RBM39: variants seen among roughly 807,000 people sequenced by gnomAD.
The protein encoded by RBM39 is RNA binding motif protein 39.
A neutral mutation model predicts 79.6 loss-of-function variants in RBM39; 12 were observed. That is an observed-to-expected ratio of 0.15 (90% CI 0.10 to 0.24). RBM39 has a LOEUF of 0.24. RBM39 is among the 10% of genes least tolerant of loss of function. The probability of loss-of-function intolerance (pLI) is 1.00; values close to 1 mark genes in which losing one functional copy is unlikely to be tolerated. For synonymous variants in RBM39, 185 were observed against 208.4 expected, an observed-to-expected ratio of 0.89 and a Z score of 0.97; for missense variants, 243 against 653.4, an observed-to-expected ratio of 0.37 and a Z score of 6.85.
chr20:35,705,071 G>T (rs962431407), intron 15 of RBM39, 154 bp downstream of exon 15: 1 of 623,770 alleles, frequency 1.6e-6, no homozygotes, highest in East Asian at 2.9e-5. Context: ...TATTTTGGAG[G>T]GTTTATTTAG....
At chr20:35,738,191 C>T (rs1037630565) in intron 3 of RBM39, among the ~76,000 whole-genome samples, 1 of 151,958 alleles carries the variant, frequency 6.6e-6, no homozygotes, top group East Asian at 1.9e-4. Flanking sequence ...TCACTTGAAC[C>T]CAGGAGGCGG....
chr20:35,722,347 C>T (rs776427065), intron 8 of RBM39, among the ~76,000 whole-genome samples: 1 of 149,096 alleles, frequency 6.7e-6, no homozygotes, highest in Non-Finnish European at 1.5e-5. Flanking sequence ...GCAGAGCTTG[C>T]AGTGAGACGA....
At chr20:35,733,260 G>A (rs1333366552) in intron 3 of RBM39, among the ~76,000 whole-genome samples, 1 of 146,712 alleles carries the variant, frequency 6.8e-6, no homozygotes, top group Non-Finnish European at 1.5e-5. Flanking sequence ...CTGAGACCAT[G>A]CCATTGCACT....
intron 3 of RBM39, chr20:35,736,741 C>T (rs2039963866): frequency 2.8e-6 from 1 of 357,436 alleles, no homozygotes; most frequent in Admixed American, 3.7e-5. Flanking sequence ...ACCTCTGCCT[C>T]CCAGGTTCAA....
At chr20:35,723,929 T>C (rs1285749997) in intron 8 of RBM39, among the ~76,000 whole-genome samples, 1 of 152,110 alleles carries the variant, frequency 6.6e-6, no homozygotes, top group Non-Finnish European at 1.5e-5. Flanking sequence ...TAGACCTAGC[T>C]ACTCAGGAGA....
rs2039110268 is a variant in RBM39, at chr20:35,729,295, T to C, written c.416+17A>G. 1.3e-6 allele frequency: 2 copies of C among 1,572,322 alleles called. No individual in the cohort carries two copies. Among genetic ancestry groups the C allele is most frequent in the Non-Finnish European group, 1.7e-6 (2 of 1,167,382 alleles). Reference sequence around the variant, plus strand: ...AAAAGCTTTTTAAGAGCTAAAGGCTTTAAAGAAGTAAACTACCTCACAGGG... The same window carrying C: ...AAAAGCTTTTTAAGAGCTAAAGGCTCTAAAGAAGTAAACTACCTCACAGGG... On this transcript the variant is annotated intron_variant, in intron 6 of 16. Transcript: ENST00000253363.
rs200972023 is a variant in RBM39 at position 35,735,071 on chromosome 20, T to C, written c.102-2936A>G. 2.9e-3 allele frequency: 4,589 copies of C among 1,567,670 alleles called. 11 individuals carry two copies. Among genetic ancestry groups the C allele is most frequent in the Non-Finnish European group, 3.7e-3 (4,282 of 1,166,364 alleles). ...CATGTAAGAAGATCTAAATTTTTAA[T>C]GCAAAGTATTCTGGAAAATAAGAAA... On this transcript the variant is annotated intron_variant, in intron 3 of 16. Transcript: ENST00000253363.
chr20:35,712,032 G>C (rs1195083381), intron 12 of RBM39, among the ~76,000 whole-genome samples: 2 of 152,072 alleles, frequency 1.3e-5, no homozygotes, highest in Admixed American at 6.6e-5. Context: ...GGAAGAGGTT[G>C]AGCCACAGAG....
At chr20:35,741,030 CTTTT>C (rs572102658) in intron 1 of RBM39, 143 bp from the exon 2 acceptor site, 22,180 of 126,974 alleles carry the variant, frequency 0.17, 922 homozygotes, top group Middle Eastern at 0.29. Context: ...AAACATTTTT[CTTTT>C]TTTTTTTTTT....
chr20:35,712,775 C>A (rs1015336073), intron 12 of RBM39, among the ~76,000 whole-genome samples: 1 of 152,010 alleles, frequency 6.6e-6, no homozygotes, highest in Non-Finnish European at 1.5e-5. Context: ...TGAAAATAAA[C>A]TTATGTCAAT....
chr20:35,729,223 G>T, intron 6 of RBM39, 89 bp downstream of exon 6: 1 of 1,173,278 alleles, frequency 8.5e-7, no homozygotes, highest in South Asian at 1.7e-5. Context: ...GATTTAATAT[G>T]GTCCAAATTA....
chr20:35,718,877 G>A (rs1600476113), intron 9 of RBM39, among the ~76,000 whole-genome samples: 1 of 149,700 alleles, frequency 6.7e-6, no homozygotes, highest in Admixed American at 6.6e-5. Context: ...CAGCTGCTAG[G>A]GAAGCTGTAG....
chr20:35,718,134 C>A (rs1341784947), intron 9 of RBM39, among the ~76,000 whole-genome samples: 1 of 152,088 alleles, frequency 6.6e-6, no homozygotes, highest in East Asian at 1.9e-4. Context: ...GCTGGGATTA[C>A]AGGCATGAGC....
chr20:35,729,503 G>A lies in RBM39; in HGVS notation c.321C>T (p.Ala107=). 6.2e-7 allele frequency: 1 copy of A among 1,614,004 alleles called. No individual in the cohort carries two copies. The highest frequency in any genetic ancestry group is 8.5e-7 in the Non-Finnish European group (1 of 1,179,958). The change falls in exon 5 of 17, where the codon GCC becomes GCT. Residue 107 remains alanine (A), a synonymous_variant. Coordinates refer to ENST00000253363, the MANE Select transcript of RBM39 (RefSeq NM_184234.3). ...GAGGCAACCCAATCTTTCCTCGGAT[G>A]GCACTGTTAAATTTTGGTCCGGAGC... ...SPYSGPKFNS[A]IRGKIGLPHS...
At position 35,703,596 on chromosome 20, in the gene RBM39, TGAA is replaced by T. The variant is rs1229383106; in HGVS notation, c.*882_*884del. ...CTGTAACTTTAAAACATTTGAAAAATGAAGATCTCCTGTGGCCTTTTTAAGAGA... is the reference window on the plus strand; with the variant it reads ...CTGTAACTTTAAAACATTTGAAAAATGATCTCCTGTGGCCTTTTTAAGAGA... On this transcript the variant is annotated 3_prime_UTR_variant, in exon 17 of 17. Coordinates refer to ENST00000253363, the MANE Select transcript of RBM39 (RefSeq NM_184234.3). 1 of 152,622 alleles carries T rather than the reference TGAA, an allele frequency of 6.6e-6. No individual in the cohort carries two copies. 9.5% of individuals were successfully genotyped at this position (152,622 alleles called of 1,614,324 possible). A position where few individuals can be genotyped will look rare whatever the true frequency, so the allele number is the denominator to read the frequency against.
chr20:35,730,954 A>C (rs1024295957), intron 4 of RBM39, among the ~76,000 whole-genome samples: 3 of 152,162 alleles, frequency 2.0e-5, no homozygotes, highest in Admixed American at 1.3e-4. Context: ...ATGTAATGCC[A>C]AAACATTTCA....
chr20:35,739,608 T>A (rs757869568), intron 2 of RBM39: 6 of 456,854 alleles, frequency 1.3e-5, no homozygotes, highest in Non-Finnish European at 2.3e-5. Flanking sequence ...CCCAAGAAAG[T>A]CAATTAATAA....
intron 12 of RBM39, among the ~76,000 whole-genome samples, chr20:35,712,766 G>A (rs1004080418): frequency 2.6e-5 from 4 of 151,974 alleles, no homozygotes; most frequent in African/African-American, 9.7e-5. Flanking sequence ...TGATATATTT[G>A]AAAATAAACT....
At chr20:35,736,498 A>C in intron 3 of RBM39, 1 of 437,512 alleles carries the variant, frequency 2.3e-6, no homozygotes, top group Non-Finnish European at 4.7e-6. Context: ...GTTTTATGAA[A>C]TTTTATCAAC....
Sources: gnomAD v4.1 joint callset for allele counts (sites outside exome capture counted in the v4.1 genomes callset) on GRCh38, gnomAD v4.1.1 for gene constraint, MANE v1.5 for transcripts, NCBI Gene and HGNC (gene_info 2026-07-23, HGNC 2026-07-21) for gene names.